FBXO15: variants seen among roughly 807,000 people sequenced by gnomAD.
FBXO15 encodes the protein F-box only protein 15.
Under a neutral mutation model 49.5 loss-of-function variants are expected in FBXO15, and 30 were observed. That is an observed-to-expected ratio of 0.61 (90% CI 0.45 to 0.82). The LOEUF (loss-of-function observed/expected upper bound fraction) is 0.82, where lower values mean the gene tolerates loss of function less well. Ranked by LOEUF, FBXO15 falls within the 40% of genes least tolerant of loss-of-function variation. The pLI is 0.00. For missense variants in FBXO15, 591 were observed against 631.5 expected (o/e 0.94, Z 0.69); for synonymous variants, 250 against 232.7 (o/e 1.07, Z -0.68).
chr18:74,086,368 C>G (rs1912736680), intron 8 of FBXO15, among the ~76,000 whole-genome samples: 1 of 152,196 alleles, frequency 6.6e-6, no homozygotes, highest in Admixed American at 6.5e-5. Flanking sequence ...AGGCCCATAA[C>G]TTGTTTTTCA....
intron 8 of FBXO15, among the ~76,000 whole-genome samples, chr18:74,108,578 T>G (rs1224016885): frequency 6.8e-6 from 1 of 146,878 alleles, no homozygotes; most frequent in South Asian, 2.1e-4. Context: ...ACAAAAGGTG[T>G]AATTTACATG....
At chr18:74,140,339 T>A in intron 1 of FBXO15, 27 bp from the exon 2 acceptor site, 1 of 1,532,268 alleles carries the variant, frequency 6.5e-7, no homozygotes, top group Non-Finnish European at 8.8e-7. Flanking sequence ...GAAATTCAAA[T>A]TATGTAATTA....
chr18:74,085,702 T>G (rs1912707559), intron 8 of FBXO15, among the ~76,000 whole-genome samples: 1 of 152,340 alleles, frequency 6.6e-6, no homozygotes, highest in African/African-American at 2.4e-5. Context: ...CAAAATGATT[T>G]GATGAGCAAA....
At chr18:74,135,664 T>G in intron 3 of FBXO15, 98 bp downstream of exon 3, 2 of 926,206 alleles carry the variant, frequency 2.2e-6, no homozygotes, top group Non-Finnish European at 1.7e-6. Context: ...TACTCTTGAA[T>G]TCTCTTAAAT....
chr18:74,118,601 T>C (rs1182329278), intron 8 of FBXO15, among the ~76,000 whole-genome samples: 1 of 152,112 alleles, frequency 6.6e-6, no homozygotes, highest in Non-Finnish European at 1.5e-5. Flanking sequence ...TGTAAAATTA[T>C]TTCAAAATAA....
At chr18:74,135,686 G>A in intron 3 of FBXO15, 76 bp downstream of exon 3, 1 of 1,133,436 alleles carries the variant, frequency 8.8e-7, no homozygotes, top group South Asian at 1.4e-5. Flanking sequence ...CTTAAAAATG[G>A]TTAAAAAGTT....
At chr18:74,081,609 C>T (rs777273104) in intron 9 of FBXO15, among the ~76,000 whole-genome samples, 7 of 152,284 alleles carry the variant, frequency 4.6e-5, no homozygotes, top group South Asian at 2.1e-4. Flanking sequence ...CACTCTCTTT[C>T]CACAAAACAG....
intron 8 of FBXO15, among the ~76,000 whole-genome samples, chr18:74,121,873 A>G (rs1439216170): frequency 1.3e-5 from 2 of 152,216 alleles, no homozygotes; most frequent in East Asian, 3.8e-4. Flanking sequence ...CTAATGACTA[A>G]CAGAAATGCT....
At chr18:74,085,630 G>C (rs1307219599) in intron 8 of FBXO15, among the ~76,000 whole-genome samples, 5 of 152,000 alleles carry the variant, frequency 3.3e-5, no homozygotes, top group Admixed American at 2.0e-4. Flanking sequence ...CAATAAAATG[G>C]AATAGATTGG....
At chr18:74,116,920 G>A (rs1421169465) in intron 8 of FBXO15, among the ~76,000 whole-genome samples, 3 of 152,086 alleles carry the variant, frequency 2.0e-5, no homozygotes, top group Non-Finnish European at 2.9e-5. Context: ...CAGGTCTCTC[G>A]GAGGATGAAG....
intron 8 of FBXO15, among the ~76,000 whole-genome samples, chr18:74,110,697 C>T (rs1429892062): frequency 6.7e-6 from 1 of 149,060 alleles, no homozygotes; most frequent in Non-Finnish European, 1.5e-5. Flanking sequence ...AAGATACATA[C>T]AAATTAAGTG....
chr18:74,084,305 G>C (rs1027580930), intron 8 of FBXO15, among the ~76,000 whole-genome samples: 5 of 152,162 alleles, frequency 3.3e-5, no homozygotes, highest in African/African-American at 4.8e-5. Flanking sequence ...CTTATAAGCC[G>C]GTCACTGGTG....
At position 74,074,778 on chromosome 18, in the gene FBXO15, T is replaced by A. The variant is rs1426218747; in HGVS notation, c.1264-1048A>T. ...TCATGAACGCTGCTTTCATTGCACA[T>A]GAATGTGTGGTCTGTATATGCCCAT... On this transcript the variant is annotated intron_variant, in intron 9 of 9. Coordinates refer to ENST00000419743, the MANE Select transcript of FBXO15 (RefSeq NM_001142958.2). The surrounding 1 kb of genome is among the most constrained non-coding windows in gnomAD (Gnocchi z 4.7). Among the ~76,000 whole-genome samples, 1 of 152,210 alleles carries A rather than the reference T, an allele frequency of 6.6e-6. No homozygotes were observed. The highest frequency in any genetic ancestry group is 1.5e-5 in the Non-Finnish European group (1 of 68,040).
intron 7 of FBXO15, among the ~76,000 whole-genome samples, chr18:74,123,977 G>T (rs1478118943): frequency 6.6e-6 from 1 of 151,156 alleles, no homozygotes; most frequent in East Asian, 1.9e-4. Flanking sequence ...ATACTCAGGA[G>T]CTTCTCAGGT....
At chr18:74,118,790 C>T (rs183269537) in intron 8 of FBXO15, among the ~76,000 whole-genome samples, 2 of 152,264 alleles carry the variant, frequency 1.3e-5, no homozygotes, top group Non-Finnish European at 2.9e-5. Context: ...ACACAAATTT[C>T]ATTTTTATTT....
At chr18:74,126,980 G>A (rs1335671574) in intron 5 of FBXO15, among the ~76,000 whole-genome samples, 1 of 152,226 alleles carries the variant, frequency 6.6e-6, no homozygotes, top group Non-Finnish European at 1.5e-5. Flanking sequence ...CCCAGCATAT[G>A]CAGAATACAC....
intron 7 of FBXO15, 125 bp downstream of exon 7, chr18:74,124,364 T>C: frequency 1.4e-6 from 1 of 736,164 alleles, no homozygotes; most frequent in East Asian, 2.6e-5. Context: ...TGCCTGTTGG[T>C]TTGTGTTTAC....
intron 8 of FBXO15, among the ~76,000 whole-genome samples, chr18:74,096,771 C>T (rs1418321353): frequency 6.6e-6 from 1 of 151,986 alleles, no homozygotes; most frequent in Non-Finnish European, 1.5e-5. Context: ...CAGTGATCTC[C>T]AAGATAACAC....
intron 8 of FBXO15, among the ~76,000 whole-genome samples, chr18:74,107,357 A>T (rs996228128): frequency 1.3e-5 from 2 of 152,132 alleles, no homozygotes; most frequent in African/African-American, 4.8e-5. Context: ...TTAGTTTTTT[A>T]AAAAAATATT....
Sources: allele counts gnomAD v4.1 joint callset (sites outside exome capture counted in the v4.1 genomes callset), GRCh38; gene constraint gnomAD v4.1.1; non-coding constraint Gnocchi (gnomAD v3.1); transcripts MANE v1.5; gene names NCBI Gene and HGNC (gene_info 2026-07-23, HGNC 2026-07-21).